The following TRAPPC9 variants were observed in gnomAD, a reference collection of about 807,000 sequenced individuals.
TRAPPC9 encodes IKK2 binding protein.
In TRAPPC9, 83 loss-of-function variants were observed where a neutral mutation model predicts 124.0. The ratio of observed to expected loss-of-function variants is 0.67; its 90% confidence interval spans 0.56 to 0.80. The LOEUF (loss-of-function observed/expected upper bound fraction) is 0.80, where lower values mean the gene tolerates loss of function less well. Ranked by LOEUF, TRAPPC9 falls within the 30% of genes least tolerant of loss-of-function variation. The pLI, the probability that TRAPPC9 is intolerant of heterozygous loss-of-function variation, is 0.00. For synonymous variants in TRAPPC9, 638 were observed against 617.5 expected (o/e 1.03, Z -0.49); for missense variants, 1,302 against 1,508.3 (o/e 0.86, Z 2.27).
At chr8:139,748,228 G>A (rs187859167) in intron 21 of TRAPPC9, among the ~76,000 whole-genome samples, 8 of 70,124 alleles carry the variant, frequency 1.1e-4, no homozygotes, top group African/African-American at 1.9e-4. Context: ...AAGATGCAGG[G>A]GGTATACACA....
intron 21 of TRAPPC9, among the ~76,000 whole-genome samples, chr8:139,738,819 C>T (rs1818368767): frequency 6.6e-6 from 1 of 151,932 alleles, no homozygotes; most frequent in South Asian, 2.1e-4. Context: ...CCAGCCTGGG[C>T]GCAGAGCTGG....
chr8:140,344,098 G>A (rs543753005), intron 9 of TRAPPC9, among the ~76,000 whole-genome samples: 5 of 152,238 alleles, frequency 3.3e-5, no homozygotes, highest in East Asian at 1.9e-4. Flanking sequence ...TTGTGGGGGC[G>A]ATCAGGGCAT....
intron 16 of TRAPPC9, among the ~76,000 whole-genome samples, chr8:140,231,713 C>T (rs1179634490): frequency 1.3e-5 from 2 of 150,132 alleles, no homozygotes; most frequent in Non-Finnish European, 3.0e-5. Flanking sequence ...TCTCCTCCAC[C>T]ACACACACAA....
At position 140,435,198 on chromosome 8, in the gene TRAPPC9, T is replaced by C. The variant is rs1470181347; in HGVS notation, c.773A>G (p.Tyr258Cys). 2.5e-6 allele frequency: 4 copies of C among 1,614,106 alleles called. No homozygotes were observed. Among genetic ancestry groups the C allele is most frequent in the African/African-American group, 1.3e-5 (1 of 75,008 alleles). Residue 258 changes from tyrosine to cysteine, a missense_variant, in exon 4 of 23, where the codon TAT (tyrosine) becomes TGT (cysteine). By Grantham distance (194) the Tyr-to-Cys change is radical. Transcript: ENST00000438773. Reference sequence around the variant, plus strand: ...ACTCTTCCCACCAGTTCCACCAGGATAGTGATAGATGACAGAAGCTGAACA... The same window carrying C: ...ACTCTTCCCACCAGTTCCACCAGGACAGTGATAGATGACAGAAGCTGAACA... ...GLCSASVIYH[Y>C]PGGTGGKSGA...
chr8:139,955,044 G>A (rs1834885152), intron 19 of TRAPPC9, among the ~76,000 whole-genome samples: 1 of 152,156 alleles, frequency 6.6e-6, no homozygotes, highest in Non-Finnish European at 1.5e-5. Context: ...TAAGGATTCT[G>A]TATTTAATTT....
At chr8:140,371,291 A>C in intron 7 of TRAPPC9, 111 bp from the exon 8 acceptor site, 1 of 1,161,862 alleles carries the variant, frequency 8.6e-7, no homozygotes. Context: ...AGAATCGAGG[A>C]GAATCAAGGA....
At chr8:140,248,078 A>G (rs1210041691) in intron 16 of TRAPPC9, among the ~76,000 whole-genome samples, 1 of 152,172 alleles carries the variant, frequency 6.6e-6, no homozygotes, top group African/African-American at 2.4e-5. Context: ...TTTTCTGTTG[A>G]CCATCTTTAC....
intron 21 of TRAPPC9, among the ~76,000 whole-genome samples, chr8:139,791,096 C>G (rs1227387939): frequency 6.6e-6 from 1 of 152,152 alleles, no homozygotes; most frequent in Non-Finnish European, 1.5e-5. Context: ...CTCAGGTATT[C>G]CTTGACAGCA....
intron 20 of TRAPPC9, among the ~76,000 whole-genome samples, chr8:139,893,767 C>T (rs1830492812): frequency 6.6e-6 from 1 of 152,208 alleles, no homozygotes; most frequent in Admixed American, 6.5e-5. Flanking sequence ...GATGCTGGCC[C>T]TTGGCACAAA....
intron 17 of TRAPPC9, chr8:140,094,972 C>T (rs1844835988): frequency 1.3e-5 from 2 of 152,234 alleles, no homozygotes; most frequent in African/African-American, 4.8e-5. Flanking sequence ...AGAGTCCATC[C>T]ATAAATGTTT....
At chr8:139,794,212 G>C (rs1052849684) in intron 21 of TRAPPC9, among the ~76,000 whole-genome samples, 5 of 152,194 alleles carry the variant, frequency 3.3e-5, no homozygotes, top group African/African-American at 1.2e-4. Context: ...CTCCCACTGT[G>C]GTCCCAGCAC....
At chr8:140,415,869 C>G (rs764824146) in intron 5 of TRAPPC9, among the ~76,000 whole-genome samples, 7 of 152,012 alleles carry the variant, frequency 4.6e-5, no homozygotes, top group Non-Finnish European at 7.4e-5. Context: ...GAGGCCGAAG[C>G]TGAAGGATCA....
intron 21 of TRAPPC9, among the ~76,000 whole-genome samples, chr8:139,816,290 G>C (rs1300281227): frequency 6.6e-6 from 1 of 152,210 alleles, no homozygotes; most frequent in Non-Finnish European, 1.5e-5. Flanking sequence ...GGGGATAGTG[G>C]GTACCTTCCG....
intron 17 of TRAPPC9, among the ~76,000 whole-genome samples, chr8:140,024,997 C>G (rs1840052546): frequency 6.6e-6 from 1 of 152,180 alleles, no homozygotes; most frequent in Non-Finnish European, 1.5e-5. Context: ...GTGGGGAGTA[C>G]TCATGTGCTC....
intron 17 of TRAPPC9, among the ~76,000 whole-genome samples, chr8:140,082,360 T>C (rs1435414824): frequency 2.0e-5 from 3 of 152,170 alleles, no homozygotes; most frequent in African/African-American, 4.8e-5. Context: ...GAATCATTTT[T>C]TTTCCTCGAC....
At chr8:140,214,985 A>T (rs1395851835) in intron 17 of TRAPPC9, among the ~76,000 whole-genome samples, 1 of 152,156 alleles carries the variant, frequency 6.6e-6, no homozygotes, top group Admixed American at 6.5e-5. Context: ...TTCGGGGAGA[A>T]GGGCTCTGTA....
intron 15 of TRAPPC9, among the ~76,000 whole-genome samples, chr8:140,272,085 G>GCAA (rs1426025268): frequency 9.6e-5 from 7 of 73,058 alleles, no homozygotes; most frequent in Non-Finnish European, 1.7e-4. Context: ...GGTGGTGGTT[G>GCAA]TGTTGATGAT....
Position 140,077,959 on chromosome 8 carries a change from C to T in TRAPPC9, c.2557-53880G>A, listed in dbSNP as rs574575215. On this transcript the variant is annotated intron_variant, in intron 17 of 22. Transcript: ENST00000438773. ...ATGACTTTCCTCAGAAAATGGAGAA[C>T]TTTATCCTGCATTTGTCATGGAGAT... Among the ~76,000 whole-genome samples the T allele has an allele frequency of 6.6e-4, 100 of 152,256 alleles. 1 individual carries two copies. The highest frequency in any genetic ancestry group is 1.0e-3 in the Non-Finnish European group (71 of 68,014).
rs566478818 is a variant in TRAPPC9 at position 140,393,061 on chromosome 8, T to C, written c.1134+4559A>G. 1.1e-4 allele frequency among the ~76,000 whole-genome samples: 17 copies of C among 150,460 alleles called. No individual in the cohort carries two copies. The East Asian group carries it at 3.1e-3, about 27-fold the overall frequency. ...TATTTTATTTTATTTTATTTTATTT[T>C]ATTTTATTTTATTTTATTTTATTTT... On this transcript the variant is annotated intron_variant, in intron 7 of 22. Coordinates refer to ENST00000438773, the MANE Select transcript of TRAPPC9 (RefSeq NM_001160372.4).
Sources: allele counts gnomAD v4.1 joint callset (sites outside exome capture counted in the v4.1 genomes callset), GRCh38; gene constraint gnomAD v4.1.1; transcripts MANE v1.5; gene names NCBI Gene and HGNC (gene_info 2026-07-23, HGNC 2026-07-21).